RAD51B: variants seen among roughly 807,000 people sequenced by gnomAD.
RAD51B encodes the protein DNA repair protein RAD51 homolog 2.
Under a neutral mutation model 42.2 loss-of-function variants are expected in RAD51B, and 38 were observed. The ratio of observed to expected loss-of-function variants is 0.90; its 90% CI spans 0.70 to 1.18. The LOEUF (loss-of-function observed/expected upper bound fraction) is 1.18. RAD51B is among the 50% of genes most tolerant of loss of function. RAD51B has a pLI of 0.00. For missense variants in RAD51B, 373 were observed against 400.7 expected, an observed-to-expected ratio of 0.93 and a Z score of 0.59; for synonymous variants, 154 against 145.2, an observed-to-expected ratio of 1.06 and a Z score of -0.43.
At chr14:68,084,377 G>A (rs2076955153) in intron 7 of RAD51B, among the ~76,000 whole-genome samples, 1 of 152,116 alleles carries the variant, frequency 6.6e-6, no homozygotes, top group Admixed American at 6.5e-5. Flanking sequence ...TGGACATTTT[G>A]TACTAGATAA....
rs148715971 is a variant in RAD51B at position 68,386,779 on chromosome 14, G to A, written c.854-24645G>A. ...GGAGGGGTTTCCCAGCAAGCAGAGG[G>A]AAGGTGATTGTTTCTACCTCTCATT... is the stretch of plus-strand genomic sequence containing the variant. On this transcript the variant is annotated intron_variant, in intron 8 of 10. Coordinates refer to ENST00000471583, the MANE Select transcript of RAD51B (RefSeq NM_133510.4). Among the ~76,000 whole-genome samples the A allele has an allele frequency of 1.1e-4, 17 of 152,286 alleles. No individual in the cohort carries two copies. The East Asian group carries it at 2.3e-3, about 21-fold the overall frequency.
At chr14:68,031,436 C>T (rs1371527011) in intron 7 of RAD51B, among the ~76,000 whole-genome samples, 1 of 152,128 alleles carries the variant, frequency 6.6e-6, no homozygotes. Flanking sequence ...GATCACTGAT[C>T]TTAAATCACC....
chr14:68,442,728 T>C (rs1280040490), intron 9 of RAD51B, among the ~76,000 whole-genome samples: 1 of 152,124 alleles, frequency 6.6e-6, no homozygotes, highest in Admixed American at 6.5e-5. Context: ...CATGAGCCAC[T>C]ACACCCGGCC....
At chr14:67,876,377 A>G (rs141749455) in intron 5 of RAD51B, among the ~76,000 whole-genome samples, 25 of 152,294 alleles carry the variant, frequency 1.6e-4, no homozygotes, top group African/African-American at 5.8e-4. Flanking sequence ...TTCCTTTTAT[A>G]TAAGAGCTAT....
At position 68,661,490 on chromosome 14, in the gene RAD51B, C is replaced by T. The variant is rs546711714; in HGVS notation, c.*11+10634C>T. ...AAATTCAATCCCAGATCTGCCAGAC[C>T]CCAAAGCCCTGGTTCCTTCTGTGAT... On this transcript the variant is annotated intron_variant, in intron 11 of 11. Coordinates refer to the RAD51B transcript ENST00000488612. Among the ~76,000 whole-genome samples the T allele has an allele frequency of 6.6e-5, 10 of 152,252 alleles. No individual in the cohort carries two copies. In the South Asian group the frequency reaches 1.7e-3, roughly 25 times the overall value.
chr14:67,863,568 T>C (rs755686572), intron 4 of RAD51B, among the ~76,000 whole-genome samples: 12 of 152,180 alleles, frequency 7.9e-5, no homozygotes, highest in Non-Finnish European at 1.8e-4. Context: ...TTCTTTATTG[T>C]ATGTCTTAGT....
At chr14:67,944,920 A>T (rs1047977242) in intron 7 of RAD51B, among the ~76,000 whole-genome samples, 1 of 152,212 alleles carries the variant, frequency 6.6e-6, no homozygotes, top group Non-Finnish European at 1.5e-5. Flanking sequence ...GGTCATGAAG[A>T]TGAATTTGAA....
chr14:68,343,301 G>A (rs535709479), intron 8 of RAD51B, among the ~76,000 whole-genome samples: 5 of 152,108 alleles, frequency 3.3e-5, no homozygotes, highest in Non-Finnish European at 7.3e-5. Flanking sequence ...AAAGGTTGTC[G>A]CTTCATGCAG....
At chr14:68,097,378 G>T (rs1360826308) in intron 7 of RAD51B, among the ~76,000 whole-genome samples, 1 of 151,984 alleles carries the variant, frequency 6.6e-6, no homozygotes, top group East Asian at 1.9e-4. Context: ...CATTTATATA[G>T]AATGGATTGA....
chr14:68,278,814 C>A (rs1239813087), intron 7 of RAD51B, among the ~76,000 whole-genome samples: 2 of 152,134 alleles, frequency 1.3e-5, no homozygotes, highest in Non-Finnish European at 2.9e-5. Flanking sequence ...AAGAAACCAG[C>A]ACTAATAGAT....
chr14:68,504,662 C>CTTTTTTTTTTCTTTTT (rs1885164220), intron 10 of RAD51B, among the ~76,000 whole-genome samples: 1 of 90,436 alleles, frequency 1.1e-5, no homozygotes, highest in African/African-American at 4.1e-5. Context: ...TTTTTTCTTT[C>CTTTTTTTTTTCTTTTT]TTTTTTTTTT....
intron 7 of RAD51B, among the ~76,000 whole-genome samples, chr14:68,002,461 A>T (rs1301113760): frequency 6.6e-6 from 1 of 152,032 alleles, no homozygotes; most frequent in East Asian, 1.9e-4. Context: ...TATTGCAAAA[A>T]TTTTCTGCCA....
intron 11 of RAD51B, among the ~76,000 whole-genome samples, chr14:68,668,479 T>C (rs1230960133): frequency 6.6e-6 from 1 of 152,230 alleles, no homozygotes; most frequent in Non-Finnish European, 1.5e-5. Flanking sequence ...CAAACGGATG[T>C]GGACAGAGTC....
chr14:68,359,242 C>T (rs1208392099), intron 8 of RAD51B, among the ~76,000 whole-genome samples: 1 of 152,044 alleles, frequency 6.6e-6, no homozygotes, highest in African/African-American at 2.4e-5. Context: ...CATAAGGCAG[C>T]AGGAGAGTAA....
intron 7 of RAD51B, among the ~76,000 whole-genome samples, chr14:68,013,598 T>A (rs559443471): frequency 6.6e-6 from 1 of 152,196 alleles, no homozygotes; most frequent in Admixed American, 6.6e-5. Context: ...TCCATAACAG[T>A]CTTATTTTAC....
chr14:68,596,018 A>C, downstream of RAD51B: 1 of 1,044,876 alleles, frequency 9.6e-7, no homozygotes, highest in Non-Finnish European at 1.2e-6. Flanking sequence ...GGAAAAATAC[A>C]TTAAGAAAAA....
chr14:68,410,383 A>G (rs777786323), intron 8 of RAD51B, among the ~76,000 whole-genome samples: 1 of 152,230 alleles, frequency 6.6e-6, no homozygotes, highest in South Asian at 2.1e-4. Context: ...CGGATGACAC[A>G]TTCAAGGCCT....
intron 4 of RAD51B, among the ~76,000 whole-genome samples, chr14:67,856,500 G>T (rs1360578787): frequency 6.6e-6 from 1 of 152,048 alleles, no homozygotes; most frequent in Non-Finnish European, 1.5e-5. Flanking sequence ...AGATGCTGGA[G>T]GTCATTAAAA....
chr14:68,682,608 CCTGGAAGTCATTATTTCTTCCT>C (rs1424709348), intron 11 of RAD51B, among the ~76,000 whole-genome samples: 7 of 152,100 alleles, frequency 4.6e-5, no homozygotes, highest in Non-Finnish European at 8.8e-5. Flanking sequence ...CCCAGAGCCC[CCTGGAAGTCATTATTTCTTCCT>C]TTAGCAATTG....
Sources: gnomAD v4.1 joint callset for allele counts (sites outside exome capture counted in the v4.1 genomes callset) on GRCh38, gnomAD v4.1.1 for gene constraint, MANE v1.5 for transcripts, NCBI Gene and HGNC (gene_info 2026-07-23, HGNC 2026-07-21) for gene names.